The following PDLIM5 variants were observed in gnomAD, a reference collection of about 807,000 sequenced individuals.
PDLIM5 encodes the protein PDZ and LIM domain 5.
PDLIM5 carries 34 observed loss-of-function variants against 64.2 expected under a neutral mutation model. That is an observed-to-expected ratio of 0.53 (90% CI 0.40 to 0.71). The LOEUF (loss-of-function observed/expected upper bound fraction) is 0.71. Ranked by LOEUF, PDLIM5 falls within the 30% of genes least tolerant of loss-of-function variation. The probability of loss-of-function intolerance (pLI) is 0.00; values close to 1 mark genes in which losing one functional copy is unlikely to be tolerated. For synonymous variants in PDLIM5, 253 were observed against 269.1 expected, an observed-to-expected ratio of 0.94 and a Z score of 0.59; for missense variants, 683 against 733.6, an observed-to-expected ratio of 0.93 and a Z score of 0.80.
At chr4:94,558,847 T>C (rs951001302) in intron 3 of PDLIM5, among the ~76,000 whole-genome samples, 3 of 152,076 alleles carry the variant, frequency 2.0e-5, no homozygotes, top group Admixed American at 6.6e-5. Flanking sequence ...TAGTAAAAAA[T>C]TTAATCATAA....
intron 7 of PDLIM5, among the ~76,000 whole-genome samples, chr4:94,594,130 A>G (rs557533996): frequency 1.3e-5 from 2 of 152,364 alleles, no homozygotes; most frequent in African/African-American, 4.8e-5. Context: ...TATTGAAAGT[A>G]AAGTGAAACC....
intron 2 of PDLIM5, among the ~76,000 whole-genome samples, chr4:94,512,995 T>C (rs1186271466): frequency 6.6e-6 from 1 of 152,212 alleles, no homozygotes; most frequent in Non-Finnish European, 1.5e-5. Context: ...GAGACTGTCT[T>C]TTTCCCAGTG....
At chr4:94,533,698 A>T (rs1306017464) in intron 3 of PDLIM5, among the ~76,000 whole-genome samples, 1 of 152,220 alleles carries the variant, frequency 6.6e-6, no homozygotes, top group Non-Finnish European at 1.5e-5. Context: ...CCTAGGACAT[A>T]ATAAAGATGA....
At chr4:94,537,242 CAA>C (rs1224512667) in intron 3 of PDLIM5, among the ~76,000 whole-genome samples, 1 of 152,140 alleles carries the variant, frequency 6.6e-6, no homozygotes, top group Non-Finnish European at 1.5e-5. Flanking sequence ...CTCTTACAGT[CAA>C]GTCTGCCTTT....
intron 2 of PDLIM5, among the ~76,000 whole-genome samples, chr4:94,498,013 T>C (rs889596167): frequency 1.3e-5 from 2 of 152,158 alleles, no homozygotes; most frequent in African/African-American, 4.8e-5. Flanking sequence ...AAATCCTTTC[T>C]GAAGAACCAA....
intron 2 of PDLIM5, among the ~76,000 whole-genome samples, chr4:94,498,736 C>G (rs1286662695): frequency 2.6e-5 from 4 of 152,160 alleles, no homozygotes; most frequent in East Asian, 1.9e-4. Context: ...GTGGGAAGAC[C>G]TCTGAATCAT....
chr4:94,456,578 GT>G (rs536093614), intron 2 of PDLIM5: 7,936 of 729,438 alleles, frequency 0.011, 85 homozygotes, highest in Non-Finnish European at 0.013. Flanking sequence ...AGGTATGTGT[GT>G]TTTTTTAAAA....
intron 3 of PDLIM5, among the ~76,000 whole-genome samples, chr4:94,537,010 A>T (rs1410610745): frequency 6.6e-6 from 1 of 152,192 alleles, no homozygotes; most frequent in Non-Finnish European, 1.5e-5. Context: ...GTCAGCTTTA[A>T]AATAGGTTTT....
chr4:94,561,000 T>C lies in PDLIM5; in HGVS notation c.249-12351T>C, dbSNP rs544233620. On this transcript the variant is annotated intron_variant, in intron 3 of 12. Transcript: ENST00000317968. ...CCTCGGCCTCCCAAAGTGCTGGGAT[T>C]ACAGGCTTGAGCCACCGCGCCCAGC... 9.9e-5 allele frequency among the ~76,000 whole-genome samples: 15 copies of C among 152,284 alleles called. No individual in the cohort carries two copies. In the South Asian group the frequency reaches 3.1e-3, roughly 32 times the overall value.
rs375017628 is a variant in PDLIM5, at chr4:94,579,787, A to G, written c.710+3753A>G. On this transcript the variant is annotated intron_variant, in intron 5 of 12. Coordinates refer to ENST00000317968, the MANE Select transcript of PDLIM5 (RefSeq NM_006457.5). ...GTTTTACTATGTATTGGTTTAAAAGAAGCAGTGCTTGGGAAAATGTAATTT... is the reference window on the plus strand; with the variant it reads ...GTTTTACTATGTATTGGTTTAAAAGGAGCAGTGCTTGGGAAAATGTAATTT... 1.2e-4 allele frequency among the ~76,000 whole-genome samples: 19 copies of G among 152,280 alleles called. 1 individual carries two copies. Among genetic ancestry groups the G allele is most frequent in the African/African-American group, 4.6e-4 (19 of 41,588 alleles).
intron 2 of PDLIM5, among the ~76,000 whole-genome samples, chr4:94,514,741 G>A (rs1382942314): frequency 6.6e-6 from 1 of 152,026 alleles, no homozygotes; most frequent in African/African-American, 2.4e-5. Flanking sequence ...TCAGGTTTTG[G>A]ATTTCTTCCT....
chr4:94,602,627 A>AT lies in PDLIM5; in HGVS notation c.921-15369dup, dbSNP rs574918550. Among the ~76,000 whole-genome samples, 34 of 151,700 alleles carry AT rather than the reference A, an allele frequency of 2.2e-4. No individual in the cohort carries two copies. In the East Asian group the frequency reaches 3.1e-3, roughly 14 times the overall value. ...ACCACCACACCCAGCTAATTTTTAT[A>AT]TTTTTTTTAGTAGAGACGGAGTTTT... On this transcript the variant is annotated intron_variant, in intron 7 of 12. Coordinates refer to ENST00000317968, the MANE Select transcript of PDLIM5 (RefSeq NM_006457.5).
At position 94,528,950 on chromosome 4, in the gene PDLIM5, A is replaced by G. The variant is rs1730614875; in HGVS notation, c.248+5075A>G. Among the ~76,000 whole-genome samples, 3 of 152,202 alleles carry G rather than the reference A, an allele frequency of 2.0e-5. No homozygotes were observed. In the South Asian group the frequency reaches 6.2e-4, roughly 31 times the overall value. On this transcript the variant is annotated intron_variant, in intron 3 of 12. Coordinates refer to ENST00000317968, the MANE Select transcript of PDLIM5 (RefSeq NM_006457.5). ...AGTATCCAAAGCAGAGCGAAGAGCC[A>G]GTGTGGTGGCCCTCTGTCAGGGAGG...
intron 8 of PDLIM5, among the ~76,000 whole-genome samples, chr4:94,628,375 G>A (rs945432810): frequency 4.6e-5 from 7 of 152,110 alleles, no homozygotes; most frequent in African/African-American, 1.7e-4. Context: ...ATTTTGGAGA[G>A]CTAATGACTT....
At chr4:94,617,570 A>G (rs1738878220) in intron 7 of PDLIM5, among the ~76,000 whole-genome samples, 1 of 150,730 alleles carries the variant, frequency 6.6e-6, no homozygotes, top group South Asian at 2.1e-4. Context: ...GCTTTCGGAA[A>G]CTGAAGTGGG....
At chr4:94,490,142 T>C (rs1578241746) in intron 2 of PDLIM5, among the ~76,000 whole-genome samples, 1 of 151,954 alleles carries the variant, frequency 6.6e-6, no homozygotes, top group South Asian at 2.1e-4. Context: ...GGGTATAATC[T>C]TATTGAGTGT....
intron 2 of PDLIM5, among the ~76,000 whole-genome samples, chr4:94,502,435 C>T (rs1728008439): frequency 6.6e-6 from 1 of 152,152 alleles, no homozygotes; most frequent in Non-Finnish European, 1.5e-5. Context: ...ATGAGATGGG[C>T]TTTGGAGTCA....
intron 3 of PDLIM5, among the ~76,000 whole-genome samples, chr4:94,560,806 A>C (rs1321981479): frequency 1.3e-5 from 2 of 152,106 alleles, no homozygotes; most frequent in Non-Finnish European, 2.9e-5. Flanking sequence ...GGCTTACTGC[A>C]TGCTCCACCT....
At chr4:94,544,816 C>T (rs546745453) in intron 3 of PDLIM5, among the ~76,000 whole-genome samples, 8 of 152,256 alleles carry the variant, frequency 5.3e-5, no homozygotes, top group Non-Finnish European at 8.8e-5. Flanking sequence ...CCACCATGCC[C>T]GGCTAATATC....
Sources: gnomAD v4.1 joint callset for allele counts (sites outside exome capture counted in the v4.1 genomes callset) on GRCh38, gnomAD v4.1.1 for gene constraint, MANE v1.5 for transcripts, NCBI Gene and HGNC (gene_info 2026-07-23, HGNC 2026-07-21) for gene names.